Variants in STARD9 observed in about 807,000 individuals in gnomAD.
The protein encoded by STARD9 is stAR-related lipid transfer protein 9.
Under a neutral mutation model 399.8 loss-of-function variants are expected in STARD9, and 346 were observed. That is an observed-to-expected ratio of 0.87 (90% confidence interval 0.79 to 0.95). The LOEUF is 0.95. Among genes scored for constraint, STARD9 ranks in the 40% least tolerant of loss-of-function variants. STARD9 has a pLI of 0.00. For synonymous variants in STARD9, 2,203 were observed against 2,143.5 expected, an observed-to-expected ratio of 1.03 and a Z score of -0.77; for missense variants, 5,832 against 5,667.5, an observed-to-expected ratio of 1.03 and a Z score of -0.93.
Position 42,661,158 on chromosome 15 carries a change from G to A in STARD9, c.703G>A (p.Ala235Thr). ...AGGCTTTAAATGTTTTCTCCTCTAG[G>A]CAATCCTGGAGAACAACCTCCCTTC... ...HAIFTIHYTQ[A>T]ILENNLPSEM... Residue 235 changes from alanine to threonine, a missense_variant and splice_region_variant, in exon 10 of 33, where the codon GCA (alanine) becomes ACA (threonine). Transcript: ENST00000290607. 1 of 1,535,336 alleles carries A rather than the reference G, an allele frequency of 6.5e-7. No homozygotes were observed. Among genetic ancestry groups the A allele is most frequent in the Non-Finnish European group, 8.7e-7 (1 of 1,145,282 alleles).
Position 42,686,711 on chromosome 15 carries a change from A to C in STARD9, c.5133A>C (p.Arg1711Ser). 1 of 1,537,684 alleles carries C rather than the reference A, an allele frequency of 6.5e-7. No individual in the cohort carries two copies. Among genetic ancestry groups the C allele is most frequent in the Non-Finnish European group, 8.7e-7 (1 of 1,146,998 alleles). Residue 1711 changes from arginine (R) to serine (S), a missense_variant, in exon 23 of 33, where the codon AGA (arginine) becomes AGC (serine). Coordinates refer to ENST00000290607, the MANE Select transcript of STARD9 (RefSeq NM_020759.3). Reference protein sequence around the residue: ...CQESSKEAVRRHINVSFALPS... With the variant: ...CQESSKEAVRSHINVSFALPS... Reference sequence around the variant, plus strand: ...AGAGCTCTAAGGAAGCAGTTAGAAGACACATAAATGTTTCCTTTGCCCTTC... The same window carrying C: ...AGAGCTCTAAGGAAGCAGTTAGAAGCCACATAAATGTTTCCTTTGCCCTTC...
chr15:42,598,317 C>G (rs2058557237), intron 3 of STARD9, among the ~76,000 whole-genome samples: 5 of 152,068 alleles, frequency 3.3e-5, no homozygotes, highest in African/African-American at 1.2e-4. Flanking sequence ...AGGTGTGAGC[C>G]ACCGTGCCCG....
chr15:42,656,738 G>A (rs142547271), intron 9 of STARD9, among the ~76,000 whole-genome samples: 157 of 152,210 alleles, frequency 1.0e-3, no homozygotes, highest in Non-Finnish European at 1.7e-3. Flanking sequence ...AAAACCAAAC[G>A]TATCTTCTCA....
chr15:42,686,301 G>T lies in STARD9; in HGVS notation c.4723G>T (p.Asp1575Tyr), dbSNP rs1208665835. 5 of 1,537,460 alleles carry T rather than the reference G, an allele frequency of 3.3e-6. No individual in the cohort carries two copies. Among genetic ancestry groups the T allele is most frequent in the Non-Finnish European group, 4.4e-6 (5 of 1,146,986 alleles). ...AAATGCCAAATTAGAAGGTGTTTCAGATTTCTTTAGCACTAGTGAGAAAGA... is the reference window on the plus strand; with the variant it reads ...AAATGCCAAATTAGAAGGTGTTTCATATTTCTTTAGCACTAGTGAGAAAGA... ...SLNAKLEGVS[D>Y]FFSTSEKEAS... Residue 1575 changes from aspartate (D) to tyrosine (Y), a missense_variant, in exon 23 of 33, where the codon GAT becomes TAT. This residue lies in a region of STARD9 where 5,828 missense variants were observed against 5,651.1 expected (regional missense o/e 1.03). Transcript: ENST00000290607.
chr15:42,615,002 T>A (rs992130054), intron 3 of STARD9, among the ~76,000 whole-genome samples: 2 of 132,658 alleles, frequency 1.5e-5, no homozygotes, highest in Non-Finnish European at 3.1e-5. Context: ...CATAAAGATA[T>A]ATAGTCAAGG....
At position 42,685,132 on chromosome 15, in the gene STARD9, G is replaced by T. The variant is rs952800800; in HGVS notation, c.3554G>T (p.Gly1185Val). ...PRTRTRASVR[G>V]FTAASDSDLL... ...ACCAGAACTAGAGCTTCTGTGAGGG[G>T]CTTCACTGCAGCCTCAGACAGTGAC... The change falls in exon 23 of 33, where the codon GGC becomes GTC. Residue 1185 changes from glycine to valine, a missense_variant. Coordinates refer to ENST00000290607, the MANE Select transcript of STARD9 (RefSeq NM_020759.3). The T allele has an allele frequency of 6.5e-7, 1 of 1,537,222 alleles. No homozygotes were observed.
intron 7 of STARD9, among the ~76,000 whole-genome samples, chr15:42,648,453 A>AGCCTTCAGGGT (rs2059689429): frequency 6.6e-6 from 1 of 152,158 alleles, no homozygotes; most frequent in Non-Finnish European, 1.5e-5. Context: ...ATGAGCCCCC[A>AGCCTTCAGGGT]TACCCAGCCT....
chr15:42,622,099 C>T (rs2059104905), intron 3 of STARD9, among the ~76,000 whole-genome samples: 1 of 151,998 alleles, frequency 6.6e-6, no homozygotes, highest in African/African-American at 2.4e-5. Flanking sequence ...CTTTCTTCCT[C>T]TCCTAATTTA....
Position 42,717,022 on chromosome 15 carries a change from C to T in STARD9, c.13468C>T (p.His4490Tyr), listed in dbSNP as rs2061363133. 6.5e-7 allele frequency: 1 copy of T among 1,537,110 alleles called. No homozygotes were observed. The highest frequency in any genetic ancestry group is 1.2e-5 in the South Asian group (1 of 84,060). ...FSSSYQDLAK[H>Y]VVDTSMADVM... ...CTCCTCCTACCAGGATTTGGCCAAGCATGTCGTGGACACTTCTATGGCTGA... is the reference window on the plus strand; with the variant it reads ...CTCCTCCTACCAGGATTTGGCCAAGTATGTCGTGGACACTTCTATGGCTGA... The change falls in exon 28 of 33, where the codon CAT (histidine) becomes TAT (tyrosine). Residue 4490 changes from histidine to tyrosine, a missense_variant. Physicochemically the swap from His to Tyr is moderately conservative, Grantham distance 83. Coordinates refer to ENST00000290607, the MANE Select transcript of STARD9 (RefSeq NM_020759.3).
At position 42,689,972 on chromosome 15, in the gene STARD9, T is replaced by A. The variant is rs1202833693; in HGVS notation, c.8394T>A (p.Asp2798Glu). The change falls in exon 23 of 33, where the codon GAT (aspartate) becomes GAA (glutamate). Residue 2798 changes from aspartate to glutamate, a missense_variant. Physicochemically the swap from Asp to Glu is conservative, Grantham distance 45. Around this residue, in one of 2 missense-constraint regions of STARD9, gnomAD observed 5,828 missense variants for 5,651.1 expected, o/e 1.03. Transcript: ENST00000290607. ...TLDTTYGEVS[D>E]NLLVTAQGEK... ...ACACCACATATGGAGAAGTTTCAGA[T>A]AATTTGTTAGTGACTGCACAGGGAG... 7.2e-6 allele frequency: 11 copies of A among 1,537,470 alleles called. No homozygotes were observed. Among genetic ancestry groups the A allele is most frequent in the Admixed American group, 5.9e-5 (3 of 50,984 alleles).
At chr15:42,672,498 C>T (rs1309752562) in intron 16 of STARD9, 2 of 152,208 alleles carry the variant, frequency 1.3e-5, no homozygotes, top group African/African-American at 4.8e-5. Context: ...GAAGGGCTGT[C>T]CCTGAACGCA....
At chr15:42,649,307 C>A (rs763033308) in intron 7 of STARD9, among the ~76,000 whole-genome samples, 4 of 152,126 alleles carry the variant, frequency 2.6e-5, no homozygotes, top group Non-Finnish European at 4.4e-5. Flanking sequence ...GGATTACAGG[C>A]GTGAGCCACT....
intron 3 of STARD9, among the ~76,000 whole-genome samples, chr15:42,592,563 G>A (rs112240126): frequency 0.03 from 4,554 of 151,908 alleles, 226 homozygotes; most frequent in African/African-American, 0.1. Context: ...TCCTGCCTCC[G>A]CCTCCCGAGT....
intron 3 of STARD9, among the ~76,000 whole-genome samples, chr15:42,613,736 G>C (rs1288628621): frequency 6.6e-6 from 1 of 152,056 alleles, no homozygotes; most frequent in East Asian, 1.9e-4. Flanking sequence ...AGGTTGAGGC[G>C]GGTGGATCAT....
chr15:42,710,161 G>A lies in STARD9; in HGVS notation c.13285-6516G>A, dbSNP rs530700596. On this transcript the variant is annotated intron_variant, in intron 26 of 32. Transcript: ENST00000290607. ...TGCAGCCTCGACCTCCCTGGGCGCC[G>A]GTGATCCTCCCACCTCAGCCTCCTG... Among the ~76,000 whole-genome samples, 73 of 149,288 alleles carry A rather than the reference G, an allele frequency of 4.9e-4. 1 individual carries two copies. Among genetic ancestry groups the A allele is most frequent in the South Asian group, 3.4e-3 (16 of 4,696 alleles).
chr15:42,693,104 G>C lies in STARD9; in HGVS notation c.11526G>C (p.Leu3842=). 1 of 1,536,942 alleles carries C rather than the reference G, an allele frequency of 6.5e-7. No homozygotes were observed. Among genetic ancestry groups the C allele is most frequent in the South Asian group, 1.2e-5 (1 of 84,036 alleles). Residue 3842 remains leucine, a synonymous_variant, in exon 23 of 33, where the codon CTG becomes CTC. Coordinates refer to ENST00000290607, the MANE Select transcript of STARD9 (RefSeq NM_020759.3). The part of the protein sequence containing the change: ...SVSPSVSDAF[L]PPSSQPEESY... ...GCCCCTCAGTTTCTGATGCTTTCCTGCCTCCCAGCTCCCAGCCAGAGGAGT... is the reference window on the plus strand; with the variant it reads ...GCCCCTCAGTTTCTGATGCTTTCCTCCCTCCCAGCTCCCAGCCAGAGGAGT...
At chr15:42,640,034 G>T (rs748910790) in intron 7 of STARD9, among the ~76,000 whole-genome samples, 2 of 151,950 alleles carry the variant, frequency 1.3e-5, no homozygotes, top group Non-Finnish European at 2.9e-5. Flanking sequence ...TGATCCTTCC[G>T]CCCCAGTCTC....
chr15:42,716,691 G>C lies in STARD9; in HGVS notation c.13299G>C (p.Leu4433Phe). 6.5e-7 allele frequency: 1 copy of C among 1,536,158 alleles called. No homozygotes were observed. Among genetic ancestry groups the C allele is most frequent in the Non-Finnish European group, 8.7e-7 (1 of 1,145,954 alleles). ...CTCTTCTGCAGGGGCATACAAACTT[G>C]CCTGATTCCAGGGATGTATGGATAG... ...QFPENMGHTN[L>F]PDSRDVWIGD... The change falls in exon 27 of 33, where the codon TTG becomes TTC. Residue 4433 changes from leucine to phenylalanine, a missense_variant. Leu to Phe is a conservative substitution (Grantham distance 22). This residue lies in a region of STARD9 where 5,828 missense variants were observed against 5,651.1 expected (regional missense o/e 1.03). Coordinates refer to ENST00000290607, the MANE Select transcript of STARD9 (RefSeq NM_020759.3).
In STARD9 at chr15:42,686,936, C is replaced by T. The variant is rs1416373928; in HGVS notation, c.5358C>T (p.His1786=). ...AAGCCTGGGGCTTTGGTCACAACCA[C>T]CAAGCTCTCCAAGGTGCTTATTTGA... The part of the protein sequence containing the change: ...PREAWGFGHN[H]QALQGAYLKN... Residue 1786 remains histidine (H), a synonymous_variant, in exon 23 of 33, where the codon CAC becomes CAT. Transcript: ENST00000290607. The T allele has an allele frequency of 2.0e-6, 3 of 1,536,734 alleles. No individual in the cohort carries two copies. The highest frequency in any genetic ancestry group is 4.9e-5 in the East Asian group (2 of 40,906).
Sources: gnomAD v4.1 joint callset for allele counts (sites outside exome capture counted in the v4.1 genomes callset) on GRCh38, gnomAD v4.1.1 for gene constraint, gnomAD v4.1.1 regional missense constraint, MANE v1.5 for transcripts, NCBI Gene and HGNC (gene_info 2026-07-23, HGNC 2026-07-21) for gene names.